PRDM16: variants seen among roughly 807,000 people sequenced by gnomAD.
PRDM16 encodes the protein histone-lysine N-methyltransferase PRDM16.
A neutral mutation model predicts 110.6 loss-of-function variants in PRDM16; 23 were observed. That is an observed-to-expected ratio of 0.21 (90% CI 0.15 to 0.29). The LOEUF (loss-of-function observed/expected upper bound fraction) is 0.29. Among genes scored for constraint, PRDM16 ranks in the 10% least tolerant of loss-of-function variants. PRDM16 has a pLI of 1.00. For synonymous variants in PRDM16, 799 were observed against 781.8 expected (o/e 1.02, Z -0.37); for missense variants, 1,615 against 1,794.3 (o/e 0.90, Z 1.81).
chr1:3,092,456 G>T (rs1311984308), intron 1 of PRDM16, among the ~76,000 whole-genome samples: 2 of 152,216 alleles, frequency 1.3e-5, no homozygotes, highest in African/African-American at 4.8e-5. Flanking sequence ...GAATGGAGCA[G>T]GTCTCAGGAT....
At chr1:3,199,773 G>A (rs192879652) in intron 2 of PRDM16, among the ~76,000 whole-genome samples, 2 of 152,266 alleles carry the variant, frequency 1.3e-5, no homozygotes, top group African/African-American at 4.8e-5. Context: ...GGGACAGGAC[G>A]CCACTCTGCT....
Position 3,215,618 on chromosome 1 carries a change from C to T in PRDM16, c.388-28469C>T, listed in dbSNP as rs546336651. 7.2e-4 allele frequency among the ~76,000 whole-genome samples: 110 copies of T among 152,308 alleles called. 1 individual carries two copies. The highest frequency in any genetic ancestry group is 1.2e-4 in the African/African-American group (5 of 41,572). On this transcript the variant is annotated intron_variant, in intron 2 of 16. Coordinates refer to ENST00000270722, the MANE Select transcript of PRDM16 (RefSeq NM_022114.4). ...AGAACCCCACAGGGGCCCTGTCCTC[C>T]GGGGACCTGTCGAGTCAGTGCTCCT...
chr1:3,323,364 G>A (rs1240598339), intron 3 of PRDM16, among the ~76,000 whole-genome samples: 3 of 152,240 alleles, frequency 2.0e-5, no homozygotes, highest in African/African-American at 7.2e-5. Context: ...TGGGGCGGGC[G>A]GCATTTGCAG....
intron 1 of PRDM16, among the ~76,000 whole-genome samples, chr1:3,091,269 G>C (rs1642270381): frequency 6.6e-6 from 1 of 152,212 alleles, no homozygotes; most frequent in Non-Finnish European, 1.5e-5. Flanking sequence ...ATGCGGATGG[G>C]GAAACTGAGG....
At chr1:3,351,626 C>A (rs1557627000) in intron 3 of PRDM16, among the ~76,000 whole-genome samples, 3 of 41,980 alleles carry the variant, frequency 7.1e-5, no homozygotes, top group Admixed American at 1.9e-4. Flanking sequence ...CTCCCTCTCT[C>A]CCCCTCCCTC....
rs200923354 is a variant in PRDM16, at chr1:3,212,725, C to A, written c.387+26251C>A. 7.8e-5 allele frequency among the ~76,000 whole-genome samples: 11 copies of A among 140,326 alleles called. No individual in the cohort carries two copies. The East Asian group carries it at 1.9e-3, about 24-fold the overall frequency. 92.1% of individuals were successfully genotyped at this position (140,326 alleles called of 152,430 possible). On this transcript the variant is annotated intron_variant, in intron 2 of 16. Coordinates refer to ENST00000270722, the MANE Select transcript of PRDM16 (RefSeq NM_022114.4). Reference sequence around the variant, plus strand: ...CCACTGTGGATGGGCTTCACACAAACTGAGATGGGGAGGCCCCATCCTCTT... The same window carrying A: ...CCACTGTGGATGGGCTTCACACAAAATGAGATGGGGAGGCCCCATCCTCTT...
intron 2 of PRDM16, among the ~76,000 whole-genome samples, chr1:3,227,233 C>T (rs941944328): frequency 6.6e-6 from 1 of 152,274 alleles, no homozygotes; most frequent in Admixed American, 6.5e-5. Flanking sequence ...GCAGCTCACA[C>T]ACCGCAGCCC....
In PRDM16 at chr1:3,402,767, A is replaced by C. The variant is rs573880694; in HGVS notation, c.677-24A>C. 16 of 1,598,064 alleles carry C rather than the reference A, an allele frequency of 1.0e-5. No individual in the cohort carries two copies. The African/African-American group carries it at 2.2e-4, about 22-fold the overall frequency. On this transcript the variant is annotated intron_variant, in intron 5 of 16. Coordinates refer to ENST00000270722, the MANE Select transcript of PRDM16 (RefSeq NM_022114.4). ...GGGCTGGGTCTCCAGCTCACTCACCACCACCTCGTTCTCTCTCTTGCAGAG... is the reference window on the plus strand; with the variant it reads ...GGGCTGGGTCTCCAGCTCACTCACCCCCACCTCGTTCTCTCTCTTGCAGAG...
chr1:3,265,394 C>A lies in PRDM16; in HGVS notation c.438+21257C>A, dbSNP rs139317173. ...ATGGGGAGGCCTGACGGGCCTGAGA[C>A]TGATGATGTGAAGGGCCTAGTAGGG... On this transcript the variant is annotated intron_variant, in intron 3 of 16. Transcript: ENST00000270722. This position sits in a 1 kb window ranked among gnomAD's most constrained non-coding sequence, Gnocchi z 4.5. Among the ~76,000 whole-genome samples, 1 of 151,984 alleles carries A rather than the reference C, an allele frequency of 6.6e-6. No individual in the cohort carries two copies. Among genetic ancestry groups the A allele is most frequent in the Non-Finnish European group, 1.5e-5 (1 of 67,948 alleles).
rs377067594 is a variant in PRDM16 at position 3,417,920 on chromosome 1, C to T, written c.2784C>T (p.His928=). 12 of 1,611,464 alleles carry T rather than the reference C, an allele frequency of 7.4e-6. No individual in the cohort carries two copies. The highest frequency in any genetic ancestry group is 8.5e-6 in the Non-Finnish European group (10 of 1,178,382). ...GCTCCCTGCAGCCCCTCCCCCACCA[C>T]CCCTTCAACTTCCGGTCCCCACCCC... ...SGSSLQPLPH[H]PFNFRSPPPT... is the part of the protein sequence containing the mutation. The change falls in exon 11 of 17, where the codon CAC becomes CAT. Residue 928 remains histidine (H), a synonymous_variant. Coordinates refer to ENST00000270722, the MANE Select transcript of PRDM16 (RefSeq NM_022114.4).
At chr1:3,177,293 C>T (rs2100771877) in intron 1 of PRDM16, among the ~76,000 whole-genome samples, 1 of 152,356 alleles carries the variant, frequency 6.6e-6, no homozygotes, top group Middle Eastern at 3.4e-3. Flanking sequence ...CCCACCCATA[C>T]CTCTTCTGCT....
chr1:3,247,755 C>G (rs1370424951), intron 3 of PRDM16, among the ~76,000 whole-genome samples: 1 of 152,264 alleles, frequency 6.6e-6, no homozygotes, highest in Non-Finnish European at 1.5e-5. Context: ...GTCCCTGCGC[C>G]CGTCCTGGTG....
Position 3,174,336 on chromosome 1 carries a change from G to A in PRDM16, c.38-11789G>A, listed in dbSNP as rs115868851. Among the ~76,000 whole-genome samples the A allele has an allele frequency of 4.5e-3, 691 of 152,212 alleles. 11 individuals are homozygous for A. The highest frequency in any genetic ancestry group is 0.016 in the African/African-American group (660 of 41,532). ...TTACCACTATAAAGACCTTATTTCC[G>A]AATCAGGTCACATTCTGAGGCCTGG... is the stretch of plus-strand genomic sequence containing the variant. On this transcript the variant is annotated intron_variant, in intron 1 of 16. Transcript: ENST00000270722.
chr1:3,122,588 A>G (rs74050114), intron 1 of PRDM16, among the ~76,000 whole-genome samples: 7,636 of 152,212 alleles, frequency 0.05, 627 homozygotes, highest in African/African-American at 0.17. Flanking sequence ...TGCCCGCAAG[A>G]GGAAGAAAGG....
intron 1 of PRDM16, among the ~76,000 whole-genome samples, chr1:3,099,498 G>C: frequency 6.6e-6 from 1 of 152,310 alleles, no homozygotes; most frequent in South Asian, 2.1e-4. Context: ...CAAGGCCGGT[G>C]GGGGGCAAGG....
At chr1:3,133,089 CTGAG>C (rs1643367101) in intron 1 of PRDM16, 1 of 152,288 alleles carries the variant, frequency 6.6e-6, no homozygotes, top group Admixed American at 6.5e-5. Flanking sequence ...CACTGCCAGA[CTGAG>C]TGGTCCACAC....
intron 2 of PRDM16, among the ~76,000 whole-genome samples, chr1:3,216,657 A>G (rs1224036767): frequency 6.6e-6 from 1 of 152,250 alleles, no homozygotes; most frequent in African/African-American, 2.4e-5. Flanking sequence ...AGTCTCCCCA[A>G]ACCTGGGGCA....
At chr1:3,203,647 G>T (rs1333636751) in intron 2 of PRDM16, among the ~76,000 whole-genome samples, 2 of 152,198 alleles carry the variant, frequency 1.3e-5, no homozygotes, top group Non-Finnish European at 2.9e-5. Flanking sequence ...TGCCCTCGAG[G>T]CCTCTGGCTT....
At chr1:3,185,852 C>T (rs1056276863) in intron 1 of PRDM16, among the ~76,000 whole-genome samples, 8 of 152,222 alleles carry the variant, frequency 5.3e-5, no homozygotes, top group Non-Finnish European at 1.0e-4. Context: ...GTGGGTGAGC[C>T]AGGGTGTGTC....
Sources: gnomAD v4.1 joint callset for allele counts (sites outside exome capture counted in the v4.1 genomes callset) on GRCh38, gnomAD v4.1.1 for gene constraint, Gnocchi (gnomAD v3.1) non-coding constraint, MANE v1.5 for transcripts, NCBI Gene and HGNC (gene_info 2026-07-23, HGNC 2026-07-21) for gene names.